Variants in MSTO1 observed in about 807,000 individuals in gnomAD.
MSTO1 encodes protein misato homolog 1.
MSTO1 carries 24 observed loss-of-function variants against 55.7 expected under a neutral mutation model. The ratio of observed to expected loss-of-function variants is 0.43; its 90% CI spans 0.31 to 0.61. The LOEUF (loss-of-function observed/expected upper bound fraction) is 0.61, where lower values mean the gene tolerates loss of function less well. Ranked by LOEUF, MSTO1 falls within the 20% of genes least tolerant of loss-of-function variation. The pLI, the probability that MSTO1 is intolerant of heterozygous loss-of-function variation, is 0.09. For synonymous variants in MSTO1, 162 were observed against 252.8 expected (o/e 0.64, Z 3.41); for missense variants, 363 against 625.7 (o/e 0.58, Z 4.48).
At chr1:155,599,304 A>G in the MSTO1 span, among the ~76,000 whole-genome samples, 3 of 152,222 alleles carry the variant, frequency 2.0e-5, no homozygotes, top group Non-Finnish European at 4.4e-5. Flanking sequence ...GATGAAAGGA[A>G]ATTGGGCTAA....
At chr1:155,574,188 T>A in the MSTO1 span, among the ~76,000 whole-genome samples, 1 of 152,076 alleles carries the variant, frequency 6.6e-6, no homozygotes, top group Non-Finnish European at 1.5e-5. Context: ...TGAAACCCCA[T>A]CTCAACAAAA....
chr1:155,592,747 G>A, the MSTO1 span, among the ~76,000 whole-genome samples: 7 of 151,986 alleles, frequency 4.6e-5, no homozygotes, highest in East Asian at 1.9e-4. Context: ...TAGAGACAGC[G>A]TTTCCCCAAG....
the MSTO1 span, among the ~76,000 whole-genome samples, chr1:155,604,885 A>T: frequency 6.6e-6 from 1 of 152,164 alleles, no homozygotes; most frequent in African/African-American, 2.4e-5. Context: ...AAAAAATGAT[A>T]AAATTAAATA....
the MSTO1 span, among the ~76,000 whole-genome samples, chr1:155,581,965 T>A: frequency 6.6e-6 from 1 of 151,726 alleles, no homozygotes; most frequent in Non-Finnish European, 1.5e-5. Flanking sequence ...GGCTTTTTTT[T>A]TTTTTTTGAG....
chr1:155,590,844 C>T, the MSTO1 span: 9 of 1,607,696 alleles, frequency 5.6e-6, no homozygotes, highest in South Asian at 2.2e-5. Flanking sequence ...TGATGGCATG[C>T]GCCGTCCAGC....
the MSTO1 span, among the ~76,000 whole-genome samples, chr1:155,586,203 T>TC: frequency 1.5e-5 from 2 of 135,436 alleles, no homozygotes; most frequent in Admixed American, 1.5e-4. Context: ...TCTCTCTCTG[T>TC]CTTTTTTTTT....
At chr1:155,600,462 A>G in the MSTO1 span, among the ~76,000 whole-genome samples, 7 of 152,216 alleles carry the variant, frequency 4.6e-5, no homozygotes, top group Non-Finnish European at 8.8e-5. Context: ...ACTTCTTTCT[A>G]TACAGACACA....
the MSTO1 span, among the ~76,000 whole-genome samples, chr1:155,567,308 A>ATTTTTTTTTTTT: frequency 8.1e-6 from 1 of 123,414 alleles, no homozygotes; most frequent in African/African-American, 3.1e-5. Context: ...AATTTTTGTA[A>ATTTTTTTTTTTT]TTTTTTTTTT....
chr1:155,605,827 T>C (rs1434464000), upstream of MSTO1, among the ~76,000 whole-genome samples: 5 of 152,308 alleles, frequency 3.3e-5, no homozygotes, highest in East Asian at 9.6e-4. Flanking sequence ...TAACTTGGCC[T>C]GTAAACTCCA....
the MSTO1 span, among the ~76,000 whole-genome samples, chr1:155,585,167 A>T: frequency 6.6e-6 from 1 of 152,184 alleles, no homozygotes; most frequent in African/African-American, 2.4e-5. Flanking sequence ...GTAGGTGCTC[A>T]CTAACTATTC....
At chr1:155,587,213 G>A in the MSTO1 span, among the ~76,000 whole-genome samples, 5 of 152,150 alleles carry the variant, frequency 3.3e-5, no homozygotes, top group South Asian at 2.1e-4. Context: ...AGGGTGAGGC[G>A]GGAGGATCAC....
chr1:155,606,301 C>T (rs562762201), upstream of MSTO1, among the ~76,000 whole-genome samples: 126 of 142,278 alleles, frequency 8.9e-4, no homozygotes, highest in African/African-American at 3.1e-3. Context: ...TTAAGTGATC[C>T]GCCTGCCTCA....
At chr1:155,600,887 A>G in the MSTO1 span, among the ~76,000 whole-genome samples, 42 of 150,386 alleles carry the variant, frequency 2.8e-4, no homozygotes, top group East Asian at 3.0e-3. Flanking sequence ...TGCGTTAGCC[A>G]GTATGGTCTC....
At chr1:155,587,301 G>A in the MSTO1 span, among the ~76,000 whole-genome samples, 2 of 152,078 alleles carry the variant, frequency 1.3e-5, no homozygotes, top group South Asian at 4.1e-4. Context: ...TTAGCCGGGC[G>A]TGGTGGCACG....
the MSTO1 span, among the ~76,000 whole-genome samples, chr1:155,587,710 C>T: frequency 6.8e-6 from 1 of 146,510 alleles, no homozygotes; most frequent in Admixed American, 6.9e-5. Flanking sequence ...CGCCACTGCA[C>T]TCCAGCCTGG....
the MSTO1 span, among the ~76,000 whole-genome samples, chr1:155,590,300 A>G: frequency 3.9e-5 from 6 of 152,094 alleles, no homozygotes; most frequent in Non-Finnish European, 8.8e-5. Context: ...AAAGGCCAGC[A>G]CAGCAAGCAG....
At chr1:155,602,392 C>T in the MSTO1 span, among the ~76,000 whole-genome samples, 3 of 152,184 alleles carry the variant, frequency 2.0e-5, no homozygotes, top group Admixed American at 2.0e-4. Flanking sequence ...AGGAGAATCG[C>T]TTGAACCCAG....
the MSTO1 span, among the ~76,000 whole-genome samples, chr1:155,576,310 T>A: frequency 6.6e-6 from 1 of 152,110 alleles, no homozygotes; most frequent in East Asian, 1.9e-4. Context: ...TATTTATAGT[T>A]TTTTTGTTTT....
At chr1:155,598,625 G>C in the MSTO1 span, among the ~76,000 whole-genome samples, 2 of 152,146 alleles carry the variant, frequency 1.3e-5, no homozygotes, top group Non-Finnish European at 2.9e-5. Flanking sequence ...GGGAGGCTGA[G>C]GCAGGAGCAT....
Sources: gnomAD v4.1 joint callset for allele counts (sites outside exome capture counted in the v4.1 genomes callset) on GRCh38, gnomAD v4.1.1 for gene constraint, MANE v1.5 for transcripts, NCBI Gene and HGNC (gene_info 2026-07-23, HGNC 2026-07-21) for gene names.